The following CPEB1 variants were observed in gnomAD, a reference collection of about 807,000 sequenced individuals.
The protein encoded by CPEB1 is cytoplasmic polyadenylation element binding protein 1.
In CPEB1, 7 loss-of-function variants were observed where a neutral mutation model predicts 65.8. That is an observed-to-expected ratio of 0.11 (90% confidence interval 0.06 to 0.20). The LOEUF (loss-of-function observed/expected upper bound fraction) is 0.20, where lower values mean the gene tolerates loss of function less well. Ranked by LOEUF, CPEB1 falls within the 10% of genes least tolerant of loss-of-function variation. The pLI, the probability that CPEB1 is intolerant of heterozygous loss-of-function variation, is 1.00. For missense variants in CPEB1, 551 were observed against 712.2 expected, an observed-to-expected ratio of 0.77 and a Z score of 2.58; for synonymous variants, 262 against 260.0, an observed-to-expected ratio of 1.01 and a Z score of -0.08.
intron 4 of CPEB1, among the ~76,000 whole-genome samples, chr15:82,568,049 T>C (rs1435875632): frequency 6.6e-6 from 1 of 152,130 alleles, no homozygotes; most frequent in Non-Finnish European, 1.5e-5. Context: ...ACTTTAAGTT[T>C]TCTCACCCAA....
intron 10 of CPEB1, among the ~76,000 whole-genome samples, chr15:82,548,245 G>C (rs1434678245): frequency 1.3e-5 from 2 of 152,024 alleles, no homozygotes; most frequent in African/African-American, 4.8e-5. Context: ...TGAGGCAGGA[G>C]AATCACTTGA....
intron 3 of CPEB1, among the ~76,000 whole-genome samples, chr15:82,596,003 C>A (rs1208562898): frequency 6.6e-6 from 1 of 152,176 alleles, no homozygotes. Context: ...CATGGGAATG[C>A]AGTCAGTAAA....
chr15:82,596,620 C>T (rs2042681689), intron 3 of CPEB1, among the ~76,000 whole-genome samples: 1 of 150,488 alleles, frequency 6.6e-6, no homozygotes, highest in African/African-American at 2.5e-5. Context: ...ATCACTTGAA[C>T]CCCGGAGGCA....
intron 3 of CPEB1, among the ~76,000 whole-genome samples, chr15:82,605,870 C>A (rs1482180813): frequency 1.3e-5 from 2 of 151,838 alleles, no homozygotes; most frequent in African/African-American, 4.8e-5. Context: ...GAATCCCTGT[C>A]TCTACTAAAA....
intron 3 of CPEB1, among the ~76,000 whole-genome samples, chr15:82,605,089 T>A (rs534269086): frequency 4.6e-5 from 7 of 152,196 alleles, no homozygotes; most frequent in Non-Finnish European, 8.8e-5. Flanking sequence ...GGCAGTAGGA[T>A]GACATACTGA....
upstream of CPEB1, chr15:82,647,817 G>C: frequency 7.8e-7 from 1 of 1,283,220 alleles, no homozygotes; most frequent in Non-Finnish European, 9.8e-7. Flanking sequence ...CTGCGGCCGG[G>C]ACGCGGCCCC....
chr15:82,553,360 G>A (rs2036611076), intron 8 of CPEB1, 107 bp downstream of exon 8: 5 of 801,474 alleles, frequency 6.2e-6, no homozygotes, highest in Non-Finnish European at 8.5e-6. Context: ...TGCCCACCAT[G>A]TTACCAACAT....
At chr15:82,611,509 C>A (rs887965049) in intron 3 of CPEB1, among the ~76,000 whole-genome samples, 1 of 152,000 alleles carries the variant, frequency 6.6e-6, no homozygotes, top group Non-Finnish European at 1.5e-5. Flanking sequence ...ATAATCTCAA[C>A]GCTTTGGGAG....
intron 4 of CPEB1, among the ~76,000 whole-genome samples, chr15:82,559,746 G>A (rs186668643): frequency 6.6e-6 from 1 of 152,178 alleles, no homozygotes; most frequent in East Asian, 1.9e-4. Flanking sequence ...GTCTCAAAAT[G>A]CTTGGATTGA....
At chr15:82,621,239 C>T (rs11855241) in intron 3 of CPEB1, among the ~76,000 whole-genome samples, 1,888 of 151,964 alleles carry the variant, frequency 0.012, 33 homozygotes, top group African/African-American at 0.042. Flanking sequence ...ATCCCAGCAA[C>T]TTGGGAGGCT....
chr15:82,548,368 A>G (rs1291733232), intron 10 of CPEB1, among the ~76,000 whole-genome samples: 1 of 152,166 alleles, frequency 6.6e-6, no homozygotes, highest in East Asian at 1.9e-4. Flanking sequence ...ATATGTTAAT[A>G]ATATTATTTC....
At chr15:82,602,007 T>C (rs1184254415) in intron 3 of CPEB1, among the ~76,000 whole-genome samples, 1 of 152,224 alleles carries the variant, frequency 6.6e-6, no homozygotes, top group African/African-American at 2.4e-5. Context: ...TTAGTAAATT[T>C]GACCTAACAG....
At chr15:82,634,637 G>T (rs1477260504) in intron 1 of CPEB1, among the ~76,000 whole-genome samples, 1 of 152,162 alleles carries the variant, frequency 6.6e-6, no homozygotes, top group Non-Finnish European at 1.5e-5. Context: ...TTCTAAAACT[G>T]GGGTCCCATG....
intron 1 of CPEB1, chr15:82,640,956 G>A (rs1225800604): frequency 6.6e-6 from 1 of 151,494 alleles, no homozygotes; most frequent in Non-Finnish European, 1.5e-5. Flanking sequence ...GACATTTCAA[G>A]TACAATAAGA....
At chr15:82,616,701 C>G (rs758584844) in intron 3 of CPEB1, among the ~76,000 whole-genome samples, 1 of 152,014 alleles carries the variant, frequency 6.6e-6, no homozygotes, top group African/African-American at 2.4e-5. Flanking sequence ...TGGCACCACG[C>G]CTGGCTAATT....
chr15:82,577,101 T>C (rs1004284866), intron 3 of CPEB1, among the ~76,000 whole-genome samples: 5 of 152,216 alleles, frequency 3.3e-5, no homozygotes, highest in African/African-American at 1.2e-4. Context: ...TATAGGCCCA[T>C]GGCTTTGACA....
chr15:82,604,563 G>A (rs531727691), intron 3 of CPEB1, among the ~76,000 whole-genome samples: 1 of 150,292 alleles, frequency 6.7e-6, no homozygotes, highest in South Asian at 2.1e-4. Flanking sequence ...ACCAAATAGA[G>A]AATATTACTA....
chr15:82,560,400 G>GTTTTT (rs548856094), intron 4 of CPEB1, among the ~76,000 whole-genome samples: 2 of 134,378 alleles, frequency 1.5e-5, no homozygotes, highest in African/African-American at 5.5e-5. Flanking sequence ...ATTGTCATTT[G>GTTTTT]TTTTTTTTTT....
At position 82,629,850 on chromosome 15, in the gene CPEB1, C is replaced by G. The variant is rs966631922; in HGVS notation, c.-97-1294G>C. 9.1e-6 allele frequency: 9 copies of G among 985,382 alleles called. No individual in the cohort carries two copies. The South Asian group carries it at 2.8e-4, about 31-fold the overall frequency. The allele number at this position is 985,382 out of a possible 1,614,324, so 61.0% of individuals were successfully genotyped here. On this transcript the variant is annotated intron_variant, in intron 1 of 12. Transcript: ENST00000684509. ...TGACCAAGAGCATTTACAGTTTTAC[C>G]AACTCTGCAGGATGACCTTAAAGGG...
Sources: gnomAD v4.1 joint callset for allele counts (sites outside exome capture counted in the v4.1 genomes callset) on GRCh38, gnomAD v4.1.1 for gene constraint, MANE v1.5 for transcripts, NCBI Gene and HGNC (gene_info 2026-07-23, HGNC 2026-07-21) for gene names.